The following DMD variants were observed in gnomAD, a reference collection of about 807,000 sequenced individuals.
DMD encodes dystrophin.
Under a neutral mutation model 330.1 loss-of-function variants are expected in DMD, and 63 were observed. That is an observed-to-expected ratio of 0.19 (90% CI 0.16 to 0.24). The LOEUF is 0.24. Ranked by LOEUF, DMD falls within the 10% of genes least tolerant of loss-of-function variation. DMD has a pLI of 1.00. For missense variants in DMD, 3,344 were observed against 2,684.1 expected, an observed-to-expected ratio of 1.25 and a Z score of -5.43; for synonymous variants, 1,223 against 959.8, an observed-to-expected ratio of 1.27 and a Z score of -5.07.
chrX:32,303,847 C>G (rs1339408203), intron 42 of DMD, among the ~76,000 whole-genome samples: 1 of 110,623 alleles, frequency 9.0e-6, no homozygotes, highest in South Asian at 3.8e-4. Flanking sequence ...CTCTTCACAT[C>G]CCATCCAGCT....
chrX:32,621,670 GA>G (rs2058003429), intron 11 of DMD, among the ~76,000 whole-genome samples: 1 of 110,131 alleles, frequency 9.1e-6, no homozygotes, highest in Admixed American at 9.8e-5. Flanking sequence ...TCTGGTTGGG[GA>G]TTTTTGGGGT....
chrX:32,115,577 T>C (rs2096607351), intron 44 of DMD, among the ~76,000 whole-genome samples: 1 of 111,361 alleles, frequency 9.0e-6, no homozygotes, highest in African/African-American at 3.3e-5. Flanking sequence ...ACAGTATCTG[T>C]CTTCAGCTTC....
intron 48 of DMD, among the ~76,000 whole-genome samples, chrX:31,855,189 G>T (rs1464498417): frequency 4.6e-5 from 4 of 87,403 alleles, no homozygotes; most frequent in Non-Finnish European, 6.9e-5. Context: ...ACATTCATTT[G>T]AGTGTGGTTC....
intron 41 of DMD, among the ~76,000 whole-genome samples, chrX:32,326,292 CACA>C (rs1216682726): frequency 8.9e-6 from 1 of 112,061 alleles, no homozygotes; most frequent in Admixed American, 9.5e-5. Flanking sequence ...GTTAAAAAAA[CACA>C]ACTTTAGGAA....
chrX:32,205,589 C>G (rs754682112), intron 44 of DMD, among the ~76,000 whole-genome samples: 4 of 111,334 alleles, frequency 3.6e-5, no homozygotes, highest in African/African-American at 1.3e-4. Flanking sequence ...GTTTAAATGT[C>G]CATCAATTTC....
At chrX:33,124,901 G>A (rs1036253311) in intron 1 of DMD, among the ~76,000 whole-genome samples, 6 of 107,784 alleles carry the variant, frequency 5.6e-5, no homozygotes, top group African/African-American at 2.0e-4. Context: ...GTGCATGCCT[G>A]TAATCCCAGC....
intron 55 of DMD, among the ~76,000 whole-genome samples, chrX:31,518,833 A>G (rs898333781): frequency 3.6e-5 from 4 of 111,467 alleles, no homozygotes; most frequent in Non-Finnish European, 5.7e-5. Flanking sequence ...ATGTGGCAGA[A>G]GCAGGGTTAG....
chrX:32,102,182 C>T (rs2096543176), intron 44 of DMD: 1 of 111,667 alleles, frequency 9.0e-6, no homozygotes, highest in African/African-American at 3.3e-5. Context: ...GGCCCCTCAA[C>T]CTTGGACTTC....
intron 51 of DMD, among the ~76,000 whole-genome samples, chrX:31,749,263 A>G (rs1310474486): frequency 1.9e-5 from 2 of 103,458 alleles, no homozygotes; most frequent in South Asian, 4.9e-4. Context: ...ATCTAGCATT[A>G]GGTATATCTC....
rs1282618919 is a variant in DMD, at chrX:32,502,847, TG to T, written c.2293-1006del. ...GATGGGAGGGCAAATAACAGATACA[TG>T]GACAGTCTGCACCACTGTTGAGTAT... is the stretch of plus-strand genomic sequence containing the variant. On this transcript the variant is annotated intron_variant, in intron 18 of 78. Coordinates refer to ENST00000357033, the MANE Select transcript of DMD (RefSeq NM_004006.3). Among the ~76,000 whole-genome samples, 8 of 111,145 alleles carry T rather than the reference TG, an allele frequency of 7.2e-5. No individual in the cohort carries two copies. The East Asian group carries it at 2.0e-3, about 28-fold the overall frequency.
chrX:32,410,476 G>A (rs928389212), intron 30 of DMD, among the ~76,000 whole-genome samples: 5 of 111,558 alleles, frequency 4.5e-5, no homozygotes, highest in South Asian at 7.4e-4. Context: ...ACCTATTAAC[G>A]GTGATTCATT....
chrX:32,031,644 A>G (rs1159045587), intron 44 of DMD, among the ~76,000 whole-genome samples: 1 of 112,373 alleles, frequency 8.9e-6, no homozygotes, highest in African/African-American at 3.2e-5. Flanking sequence ...ATACTCTTTA[A>G]GCAATCTCAT....
rs377539940 is a variant in DMD at position 32,518,051 on chromosome X, A to G, written c.2249T>C (p.Phe750Ser). The change falls in exon 18 of 79, where the codon TTT (phenylalanine) becomes TCT (serine). Residue 750 changes from phenylalanine to serine, a missense_variant. Transcript: ENST00000357033. The stretch of plus-strand genomic sequence containing the variant: ...GTCTGAGAAGTTGCCTTCCTTCCGA[A>G]AGATTGCAAATTCAGGACTCTGCAA... ...AVLQSPEFAIFRKEGNFSDLK... is the reference protein window; with the variant it reads ...AVLQSPEFAISRKEGNFSDLK... 2.0e-5 allele frequency: 24 copies of G among 1,208,647 alleles called. No homozygotes were observed. The highest frequency in any genetic ancestry group is 2.6e-5 in the Non-Finnish European group (23 of 894,080).
intron 9 of DMD, among the ~76,000 whole-genome samples, chrX:32,673,041 ATGTG>A (rs2061728754): frequency 9.0e-6 from 1 of 111,088 alleles, no homozygotes; most frequent in Non-Finnish European, 1.9e-5. Context: ...ATGTGTGTGT[ATGTG>A]TATGTGTGTG....
intron 2 of DMD, among the ~76,000 whole-genome samples, chrX:32,858,291 T>C (rs1313261487): frequency 8.9e-6 from 1 of 112,178 alleles, no homozygotes; most frequent in Non-Finnish European, 1.9e-5. Context: ...GATTTTGCCT[T>C]CTTCTTTTAA....
intron 1 of DMD, among the ~76,000 whole-genome samples, chrX:33,082,396 T>A (rs1042795554): frequency 6.3e-5 from 7 of 111,753 alleles, no homozygotes; most frequent in African/African-American, 3.3e-5. Flanking sequence ...AGATTTAGAA[T>A]CTCCACAAGG....
intron 9 of DMD, among the ~76,000 whole-genome samples, chrX:32,673,552 G>C (rs1370197017): frequency 1.8e-5 from 2 of 111,934 alleles, no homozygotes; most frequent in Admixed American, 9.5e-5. Flanking sequence ...AAGCCAATTT[G>C]TATTTTTACT....
chrX:33,049,136 T>C (rs1263767003), intron 1 of DMD, among the ~76,000 whole-genome samples: 1 of 112,058 alleles, frequency 8.9e-6, no homozygotes, highest in African/African-American at 3.2e-5. Context: ...CATTGTCTAC[T>C]TAGCCTGAAC....
Position 31,853,978 on chromosome X carries a change from G to C in DMD, c.7099-17159C>G, listed in dbSNP as rs749802637. On this transcript the variant is annotated intron_variant, in intron 48 of 78. Transcript: ENST00000357033. ...CTGAGATGTCATGAGAGAGTGGACA[G>C]GTGCTGCAAAGTGAATAGCTCTTGG... Among the ~76,000 whole-genome samples the C allele has an allele frequency of 8.1e-5, 9 of 111,779 alleles. No individual in the cohort carries two copies. The South Asian group carries it at 3.4e-3, about 42-fold the overall frequency.
Sources: allele counts gnomAD v4.1 joint callset (sites outside exome capture counted in the v4.1 genomes callset), GRCh38; gene constraint gnomAD v4.1.1; transcripts MANE v1.5; gene names NCBI Gene and HGNC (gene_info 2026-07-23, HGNC 2026-07-21).